Variants in CELF2 observed in about 807,000 individuals in gnomAD.
CELF2 encodes CUGBP Elav-like family member 2.
In CELF2, 8 loss-of-function variants were observed where a neutral mutation model predicts 62.6. The observed-to-expected ratio is 0.13, with a 90% CI of 0.07 to 0.23. The LOEUF is 0.23. Ranked by LOEUF, CELF2 falls within the 10% of genes least tolerant of loss-of-function variation. The pLI is 1.00. For synonymous variants in CELF2, 258 were observed against 250.0 expected (o/e 1.03, Z -0.30); for missense variants, 333 against 671.0 (o/e 0.50, Z 5.56).
intron 1 of CELF2, among the ~76,000 whole-genome samples, chr10:10,822,395 A>G (rs1172546062): frequency 1.3e-5 from 2 of 152,364 alleles, no homozygotes; most frequent in Admixed American, 1.3e-4. Flanking sequence ...CAAGGAGAGG[A>G]GTTACATAAA....
At chr10:10,710,517 A>G in the CELF2 span, among the ~76,000 whole-genome samples, 2 of 152,254 alleles carry the variant, frequency 1.3e-5, no homozygotes, top group African/African-American at 2.4e-5. Flanking sequence ...ATAACGAAGT[A>G]CAGCAGAAGT....
the CELF2 span, among the ~76,000 whole-genome samples, chr10:10,512,401 C>CTTTTTTTTTTTTTTTTTTTTTTTTTTTT: frequency 2.7e-5 from 3 of 109,148 alleles, 1 homozygote; most frequent in Non-Finnish European, 1.8e-5. Flanking sequence ...TTTTGGAACG[C>CTTTTTTTTTTTTTTTTTTTTTTTTTTTT]TTTTTTTTTT....
chr10:10,722,151 A>C, the CELF2 span, among the ~76,000 whole-genome samples: 1 of 151,796 alleles, frequency 6.6e-6, no homozygotes, highest in Non-Finnish European at 1.5e-5. Context: ...AAATAAAAAT[A>C]AAAGAGCCAG....
chr10:10,629,086 C>G, the CELF2 span, among the ~76,000 whole-genome samples: 360 of 152,264 alleles, frequency 2.4e-3, 4 homozygotes, highest in African/African-American at 8.4e-3. Context: ...TCTCCTTGTT[C>G]CTGAACCAGG....
the CELF2 span, among the ~76,000 whole-genome samples, chr10:10,736,267 G>T: frequency 3.9e-5 from 6 of 152,068 alleles, no homozygotes; most frequent in African/African-American, 1.2e-4. Context: ...AAGGTGCTAC[G>T]AATGTGGTCC....
At chr10:11,054,709 G>T (rs935811495) in intron 1 of CELF2, among the ~76,000 whole-genome samples, 28 of 152,250 alleles carry the variant, frequency 1.8e-4, no homozygotes, top group African/African-American at 6.5e-4. Flanking sequence ...GGAAGAAAAA[G>T]ACTTTCTTTT....
Position 11,005,899 on chromosome 10 carries a change from G to A in CELF2, c.53+459G>A, listed in dbSNP as rs1374457892. On this transcript the variant is annotated intron_variant, in intron 1 of 12. Coordinates refer to the CELF2 transcript ENST00000416382. This position sits in a 1 kb window ranked among gnomAD's most constrained non-coding sequence, Gnocchi z 4.3. ...AATCTGGACTTAGCCTACCTAAATAGTCCTCCTGTGTTACCAGGTTTGGAT... is the reference window on the plus strand; with the variant it reads ...AATCTGGACTTAGCCTACCTAAATAATCCTCCTGTGTTACCAGGTTTGGAT... Among the ~76,000 whole-genome samples the A allele has an allele frequency of 6.6e-6, 1 of 152,144 alleles. No individual in the cohort carries two copies. Among genetic ancestry groups the A allele is most frequent in the Non-Finnish European group, 1.5e-5 (1 of 68,028 alleles).
rs937495299 is a variant in CELF2 at position 11,288,412 on chromosome 10, C to G, written c.842-6C>G. On this transcript the variant is annotated splice_region_variant and splice_polypyrimidine_tract_variant and intron_variant, in intron 8 of 12. Transcript: ENST00000633077. ...TGCTGAAAGTAACTTTCTCTTCCCT[C>G]CACAGGCATGAATGCTTTACAGTTG... 7.4e-6 allele frequency: 12 copies of G among 1,613,810 alleles called. No individual in the cohort carries two copies. The highest frequency in any genetic ancestry group is 9.3e-6 in the Non-Finnish European group (11 of 1,179,960).
At chr10:10,731,744 G>A in the CELF2 span, among the ~76,000 whole-genome samples, 35,912 of 151,930 alleles carry the variant, frequency 0.24, 4,454 homozygotes, top group Admixed American at 0.29. Context: ...CTTCAACACC[G>A]CAAACCTATA....
At chr10:11,162,076 T>C (rs933069176) in intron 1 of CELF2, among the ~76,000 whole-genome samples, 1 of 152,072 alleles carries the variant, frequency 6.6e-6, no homozygotes, top group African/African-American at 2.4e-5. Context: ...GGCAGTACTG[T>C]GGGGATTCAG....
At position 11,285,044 on chromosome 10, in the gene CELF2, A is replaced by T. The variant is rs1315405881; in HGVS notation, c.842-3374A>T. ...ATAGTGGATCTGTGGATGGATAATT[A>T]AGTGGATGGATGGATAGTTGGGTGG... is the stretch of plus-strand genomic sequence containing the variant. On this transcript the variant is annotated intron_variant, in intron 8 of 12. Transcript: ENST00000633077. This position sits in a 1 kb window ranked among gnomAD's most constrained non-coding sequence, Gnocchi z 4.3. Among the ~76,000 whole-genome samples the T allele has an allele frequency of 6.9e-6, 1 of 145,370 alleles. No individual in the cohort carries two copies. Among genetic ancestry groups the T allele is most frequent in the Non-Finnish European group, 1.5e-5 (1 of 66,476 alleles).
chr10:10,807,094 A>C (rs542405347), intron 1 of CELF2, among the ~76,000 whole-genome samples: 1 of 152,342 alleles, frequency 6.6e-6, no homozygotes, highest in African/African-American at 2.4e-5. Flanking sequence ...GACCTTTTTA[A>C]GTTTGCTTTG....
At chr10:11,234,726 G>A (rs1048277059) in intron 3 of CELF2, among the ~76,000 whole-genome samples, 8 of 151,850 alleles carry the variant, frequency 5.3e-5, no homozygotes, top group Non-Finnish European at 1.0e-4. Flanking sequence ...AAACTGGTGG[G>A]TGGGGGTGAG....
chr10:11,041,658 C>A (rs2061874392), intron 1 of CELF2, among the ~76,000 whole-genome samples: 1 of 152,168 alleles, frequency 6.6e-6, no homozygotes, highest in Non-Finnish European at 1.5e-5. Context: ...ATGAACTTTT[C>A]TCATTGTGTT....
the CELF2 span, among the ~76,000 whole-genome samples, chr10:10,550,627 G>A: frequency 3.3e-5 from 5 of 151,814 alleles, no homozygotes; most frequent in African/African-American, 4.8e-5. Flanking sequence ...TGGGAATCAT[G>A]ATCTGACTGG....
At chr10:11,126,081 C>T (rs926209455) in intron 1 of CELF2, among the ~76,000 whole-genome samples, 5 of 152,204 alleles carry the variant, frequency 3.3e-5, no homozygotes, top group African/African-American at 4.8e-5. Context: ...AGCTGCTTTA[C>T]ACCTCCTTTG....
the CELF2 span, among the ~76,000 whole-genome samples, chr10:10,497,382 C>T: frequency 1.3e-5 from 2 of 152,024 alleles, no homozygotes; most frequent in African/African-American, 4.8e-5. Context: ...TACTGCATGT[C>T]AATTATGTGC....
intron 1 of CELF2, among the ~76,000 whole-genome samples, chr10:11,055,901 C>T (rs921033692): frequency 4.9e-4 from 75 of 152,356 alleles, no homozygotes; most frequent in Non-Finnish European, 3.1e-4. Context: ...GCACTCACTA[C>T]AAGCAATGCT....
chr10:10,510,036 C>A, the CELF2 span, among the ~76,000 whole-genome samples: 4 of 152,354 alleles, frequency 2.6e-5, no homozygotes, highest in African/African-American at 7.2e-5. Context: ...GGCTTCTGAA[C>A]CTATCTGTTC....
Sources: allele counts gnomAD v4.1 joint callset (sites outside exome capture counted in the v4.1 genomes callset), GRCh38; gene constraint gnomAD v4.1.1; non-coding constraint Gnocchi (gnomAD v3.1); transcripts MANE v1.5; gene names NCBI Gene and HGNC (gene_info 2026-07-23, HGNC 2026-07-21).